The following PPP3CA variants were observed in gnomAD, a reference collection of about 807,000 sequenced individuals.
PPP3CA encodes protein phosphatase 3 catalytic subunit alpha, also known as CAM-PRP catalytic subunit.
Under a neutral mutation model 66.5 loss-of-function variants are expected in PPP3CA, and 14 were observed. The ratio of observed to expected loss-of-function variants is 0.21; its 90% CI spans 0.14 to 0.33. The LOEUF (loss-of-function observed/expected upper bound fraction) is 0.33, where lower values mean the gene tolerates loss of function less well. Ranked by LOEUF, PPP3CA falls within the 10% of genes least tolerant of loss-of-function variation. PPP3CA has a pLI of 1.00. For synonymous variants in PPP3CA, 232 were observed against 226.2 expected, an observed-to-expected ratio of 1.03 and a Z score of -0.23; for missense variants, 317 against 639.5, an observed-to-expected ratio of 0.50 and a Z score of 5.44.
intron 1 of PPP3CA, among the ~76,000 whole-genome samples, chr4:101,311,045 G>A (rs1248122927): frequency 3.9e-5 from 6 of 152,124 alleles, no homozygotes; most frequent in Admixed American, 3.9e-4. Context: ...TCTAACTTAC[G>A]TTAATAATTC....
intron 2 of PPP3CA, among the ~76,000 whole-genome samples, chr4:101,111,294 T>C (rs1301379096): frequency 6.6e-6 from 1 of 152,196 alleles, no homozygotes; most frequent in Non-Finnish European, 1.5e-5. Flanking sequence ...AAACAAATTA[T>C]GAAGCAAGAC....
intron 2 of PPP3CA, among the ~76,000 whole-genome samples, chr4:101,122,093 A>C (rs1560612839): frequency 1.3e-5 from 2 of 152,188 alleles, no homozygotes; most frequent in Non-Finnish European, 2.9e-5. Flanking sequence ...TGGGAAGTCA[A>C]AAAACACAAG....
At chr4:101,163,073 A>T (rs578093687) in intron 2 of PPP3CA, among the ~76,000 whole-genome samples, 2 of 152,312 alleles carry the variant, frequency 1.3e-5, no homozygotes, top group East Asian at 3.9e-4. Flanking sequence ...TACTGACTAC[A>T]GGTTTTGGTA....
intron 1 of PPP3CA, among the ~76,000 whole-genome samples, chr4:101,246,236 T>G (rs1560678412): frequency 6.6e-6 from 1 of 152,220 alleles, no homozygotes; most frequent in Non-Finnish European, 1.5e-5. Flanking sequence ...ATGGCAGTAT[T>G]ATTACCTGAT....
At chr4:101,046,759 A>AT (rs1022140063) in intron 10 of PPP3CA, among the ~76,000 whole-genome samples, 13 of 152,080 alleles carry the variant, frequency 8.5e-5, no homozygotes, top group African/African-American at 3.1e-4. Flanking sequence ...TTCAGATTTT[A>AT]TTTTTTGCCA....
At chr4:101,329,863 A>G (rs893370752) in intron 1 of PPP3CA, among the ~76,000 whole-genome samples, 1 of 120,038 alleles carries the variant, frequency 8.3e-6, no homozygotes, top group South Asian at 2.2e-4. Flanking sequence ...CTGCTCAGGG[A>G]AAAAAAAAAA....
rs187321471 is a variant in PPP3CA at position 101,219,366 on chromosome 4, T to C, written c.59-23250A>G. Among the ~76,000 whole-genome samples the C allele has an allele frequency of 1.8e-4, 28 of 152,132 alleles. No individual in the cohort carries two copies. In the East Asian group the frequency reaches 5.2e-3, roughly 28 times the overall value. On this transcript the variant is annotated intron_variant, in intron 1 of 13. Coordinates refer to ENST00000394854, the MANE Select transcript of PPP3CA (RefSeq NM_000944.5). The stretch of plus-strand genomic sequence containing the variant: ...AGTACAATTAAAAGTAAAGCTCTAG[T>C]ATATTATTTTCATGAGACAGCTTCT...
At chr4:101,083,298 T>C in intron 6 of PPP3CA, 35 bp from the exon 7 acceptor site, 1 of 1,559,946 alleles carries the variant, frequency 6.4e-7, no homozygotes, top group Non-Finnish European at 8.8e-7. Flanking sequence ...AAGCATCTGT[T>C]AGGAAATCAT....
intron 1 of PPP3CA, among the ~76,000 whole-genome samples, chr4:101,197,612 G>A (rs1724841358): frequency 3.3e-5 from 5 of 152,182 alleles, no homozygotes; most frequent in Admixed American, 2.0e-4. Flanking sequence ...ACTAACTAGA[G>A]TAAATAGTAA....
At chr4:101,309,483 G>C (rs997975108) in intron 1 of PPP3CA, among the ~76,000 whole-genome samples, 2 of 152,094 alleles carry the variant, frequency 1.3e-5, no homozygotes, top group South Asian at 2.1e-4. Flanking sequence ...CAAAGCGGGT[G>C]GGGGGTGGTA....
chr4:101,048,905 A>T lies in PPP3CA; in HGVS notation c.1157-8339T>A, dbSNP rs891413072. Among the ~76,000 whole-genome samples, 24 of 152,064 alleles carry T rather than the reference A, an allele frequency of 1.6e-4. 1 individual carries two copies. Among genetic ancestry groups the T allele is most frequent in the Middle Eastern group, 3.4e-3 (1 of 294 alleles). On this transcript the variant is annotated intron_variant, in intron 10 of 13. Transcript: ENST00000394854. ...GCAACAGAAGAGCCTTTAAAATGTA[A>T]TTTTTTTTAAAAAAGTTTCTCCTGT... is the stretch of plus-strand genomic sequence containing the variant.
In PPP3CA at chr4:101,347,357, T is replaced by TGCCGCTGTTGCC. The variant is rs1553944394; in HGVS notation, c.-562_-561insGGCAACAGCGGC. The TGCCGCTGTTGCC allele has an allele frequency of 5.1e-6, 1 of 197,028 alleles. No homozygotes were observed. Among genetic ancestry groups the TGCCGCTGTTGCC allele is most frequent in the African/African-American group, 2.4e-5 (1 of 41,640 alleles). 12.2% of individuals were successfully genotyped at this position (197,028 alleles called of 1,614,324 possible). A position where few individuals can be genotyped will look rare whatever the true frequency, so the allele number is the denominator to read the frequency against. On this transcript the variant is annotated 5_prime_UTR_variant, in exon 1 of 14. Transcript: ENST00000394854. ...CTGCTGCTGCCGCTGCCGCTGTTGC[T>TGCCGCTGTTGCC]GCTGCCGCTGCCCCTGCTTCTCCAC... is the stretch of plus-strand genomic sequence containing the variant.
At chr4:101,113,702 C>T (rs1721750948) in intron 2 of PPP3CA, among the ~76,000 whole-genome samples, 1 of 152,024 alleles carries the variant, frequency 6.6e-6, no homozygotes, top group African/African-American at 2.4e-5. Flanking sequence ...ACTAAAGTAT[C>T]CAGGAGATAC....
chr4:101,343,439 C>T (rs1420840876), intron 1 of PPP3CA, among the ~76,000 whole-genome samples: 2 of 152,028 alleles, frequency 1.3e-5, no homozygotes, highest in African/African-American at 4.8e-5. Context: ...AAAATCAGGA[C>T]GGGGGTCAAG....
chr4:101,333,270 GTTTTTTTTTTTTTTTTTTTT>G (rs70961788), intron 1 of PPP3CA, among the ~76,000 whole-genome samples: 9 of 47,270 alleles, frequency 1.9e-4, no homozygotes, highest in Non-Finnish European at 3.0e-4. Flanking sequence ...ACCATGCCCA[GTTTTTTTTTTTTTTTTTTTT>G]TTTTTTTTTT....
intron 2 of PPP3CA, among the ~76,000 whole-genome samples, chr4:101,152,975 T>A (rs1017029785): frequency 6.6e-6 from 1 of 152,072 alleles, no homozygotes; most frequent in Non-Finnish European, 1.5e-5. Flanking sequence ...GTGAGTAAGG[T>A]TTATCTGGGT....
chr4:101,127,708 T>C (rs528787922), intron 2 of PPP3CA, among the ~76,000 whole-genome samples: 1 of 152,342 alleles, frequency 6.6e-6, no homozygotes, highest in African/African-American at 2.4e-5. Context: ...ACACCAAATG[T>C]ATTACTCAAT....
At chr4:101,268,633 C>A (rs1464022362) in intron 1 of PPP3CA, among the ~76,000 whole-genome samples, 2 of 152,040 alleles carry the variant, frequency 1.3e-5, no homozygotes, top group Non-Finnish European at 2.9e-5. Context: ...CACCTCTATA[C>A]CTAAATAAAC....
chr4:101,085,264 T>C (rs1729613978), intron 6 of PPP3CA, among the ~76,000 whole-genome samples: 1 of 152,232 alleles, frequency 6.6e-6, no homozygotes, highest in Non-Finnish European at 1.5e-5. Context: ...TACTGTCTTG[T>C]TACCACTGTC....
Sources: gnomAD v4.1 joint callset for allele counts (sites outside exome capture counted in the v4.1 genomes callset) on GRCh38, gnomAD v4.1.1 for gene constraint, MANE v1.5 for transcripts, NCBI Gene and HGNC (gene_info 2026-07-23, HGNC 2026-07-21) for gene names.